PCDHGA12: variants seen among roughly 807,000 people sequenced by gnomAD.
The protein encoded by PCDHGA12 is protocadherin gamma subfamily A, 12.
PCDHGA12 carries 43 observed loss-of-function variants against 61.1 expected under a neutral mutation model. The ratio of observed to expected loss-of-function variants is 0.70; its 90% CI spans 0.55 to 0.91. The LOEUF is 0.91. PCDHGA12 is among the 40% of genes least tolerant of loss of function. The pLI, the probability that PCDHGA12 is intolerant of heterozygous loss-of-function variation, is 0.00. For missense variants in PCDHGA12, 1,236 were observed against 1,227.7 expected (o/e 1.01, Z -0.10); for synonymous variants, 520 against 542.9 (o/e 0.96, Z 0.59).
In PCDHGA12 at chr5:141,432,512, G is replaced by A. The variant is rs751785850; in HGVS notation, c.1753G>A (p.Gly585Ser). The part of the protein sequence containing the change: ...VELAPRSAEP[G>S]YLVTKVVAVD... ...GCTGGCTCCCCGCTCCGCAGAGCCC[G>A]GCTACCTGGTGACCAAGGTGGTGGC... Residue 585 changes from glycine (G) to serine (S), a missense_variant, in exon 1 of 4, where the codon GGC becomes AGC. Transcript: ENST00000252085. The surrounding 1 kb of genome is among the most constrained non-coding windows in gnomAD (Gnocchi z 6.0). 3 of 1,614,108 alleles carry A rather than the reference G, an allele frequency of 1.9e-6. No homozygotes were observed. Among genetic ancestry groups the A allele is most frequent in the Non-Finnish European group, 2.5e-6 (3 of 1,180,030 alleles).
chr5:141,444,329 G>T (rs536314842), intron 1 of PCDHGA12, among the ~76,000 whole-genome samples: 1 of 151,792 alleles, frequency 6.6e-6, no homozygotes, highest in Admixed American at 6.6e-5. Context: ...GTGCCACCAC[G>T]CCCAGCTAAT....
At position 141,491,111 on chromosome 5, in the gene PCDHGA12, A is replaced by G; in HGVS notation, c.2425-3696A>G. 1 of 1,614,162 alleles carries G rather than the reference A, an allele frequency of 6.2e-7. No individual in the cohort carries two copies. Among genetic ancestry groups the G allele is most frequent in the Non-Finnish European group, 8.5e-7 (1 of 1,180,026 alleles). Reference sequence around the variant, plus strand: ...CCAGGACTGTTCCTCGTGTCTACACACACTGGTGAGGTGCGCACAGCCCGG... The same window carrying G: ...CCAGGACTGTTCCTCGTGTCTACACGCACTGGTGAGGTGCGCACAGCCCGG... On this transcript the variant is annotated intron_variant, in intron 1 of 3. Transcript: ENST00000252085. This position sits in a 1 kb window ranked among gnomAD's most constrained non-coding sequence, Gnocchi z 6.9.
chr5:141,474,208 A>C (rs1243312558), intron 1 of PCDHGA12, among the ~76,000 whole-genome samples: 1 of 152,242 alleles, frequency 6.6e-6, no homozygotes, highest in Non-Finnish European at 1.5e-5. Context: ...TGATTTTCAA[A>C]AACCAGATTG....
At chr5:141,480,240 CAAA>C (rs11374694) in intron 1 of PCDHGA12, among the ~76,000 whole-genome samples, 1 of 114,046 alleles carries the variant, frequency 8.8e-6, no homozygotes, top group African/African-American at 3.3e-5. Flanking sequence ...CCTGTCTCTA[CAAA>C]AAAAAAAAAA....
At chr5:141,457,573 C>T (rs934685938) in intron 1 of PCDHGA12, among the ~76,000 whole-genome samples, 3 of 152,206 alleles carry the variant, frequency 2.0e-5, no homozygotes, top group Non-Finnish European at 4.4e-5. Flanking sequence ...CAAAATTTTT[C>T]TCTCCAGTCC....
In PCDHGA12 at chr5:141,490,242, T is replaced by G. The variant is rs2099697678; in HGVS notation, c.2425-4565T>G. 6.2e-7 allele frequency: 1 copy of G among 1,614,194 alleles called. No individual in the cohort carries two copies. The highest frequency in any genetic ancestry group is 8.5e-7 in the Non-Finnish European group (1 of 1,180,028). ...GACAGCCTGCCATGGAGGGCCACTG[T>G]GTGATTCAAGTGGATGTGGGGGATG... On this transcript the variant is annotated intron_variant, in intron 1 of 3. Transcript: ENST00000252085. The surrounding 1 kb of genome is among the most constrained non-coding windows in gnomAD (Gnocchi z 5.4).
chr5:141,511,711 T>G lies in PCDHGA12; in HGVS notation c.*538T>G. 1 of 185,916 alleles carries G rather than the reference T, an allele frequency of 5.4e-6. No individual in the cohort carries two copies. Among genetic ancestry groups the G allele is most frequent in the South Asian group, 1.1e-4 (1 of 8,818 alleles). The allele number at this position is 185,916 out of a possible 1,614,324, so 11.5% of individuals were successfully genotyped here. A position where few individuals can be genotyped will look rare whatever the true frequency, so the allele number is the denominator to read the frequency against. Reference sequence around the variant, plus strand: ...GTTTGGTGCCAGCCCCTTCACCTCCTTCCAGAGCCCAAGATCAATGCTCAA... The same window carrying G: ...GTTTGGTGCCAGCCCCTTCACCTCCGTCCAGAGCCCAAGATCAATGCTCAA... On this transcript the variant is annotated 3_prime_UTR_variant, in exon 4 of 4. Transcript: ENST00000252085.
intron 1 of PCDHGA12, among the ~76,000 whole-genome samples, chr5:141,473,195 C>T (rs1053769499): frequency 6.6e-6 from 1 of 152,104 alleles, no homozygotes; most frequent in African/African-American, 2.4e-5. Flanking sequence ...GTAAATGTAT[C>T]TTCTAAAAAA....
rs1236813956 is a variant in PCDHGA12, at chr5:141,480,634, TTTCAAAC to T, written c.2425-14170_2425-14164del. On this transcript the variant is annotated intron_variant, in intron 1 of 3. Transcript: ENST00000252085. The stretch of plus-strand genomic sequence containing the variant: ...ACTGGCATTTTCCCTAGAACAATGT[TTTCAAAC>T]TTGGTTGCACATTAAAATCACCTAG... Among the ~76,000 whole-genome samples the T allele has an allele frequency of 3.9e-5, 6 of 152,332 alleles. No individual in the cohort carries two copies. In the East Asian group the frequency reaches 1.2e-3, roughly 29 times the overall value.
chr5:141,478,599 T>A, intron 1 of PCDHGA12: 1 of 1,565,814 alleles, frequency 6.4e-7, no homozygotes, highest in Non-Finnish European at 8.7e-7. Flanking sequence ...TATTCCTACA[T>A]CATATTGAGG....
intron 1 of PCDHGA12, among the ~76,000 whole-genome samples, chr5:141,463,087 C>T (rs971667191): frequency 6.6e-6 from 1 of 152,120 alleles, no homozygotes; most frequent in Non-Finnish European, 1.5e-5. Context: ...CATTTTCCAG[C>T]CCTATGTGAC....
chr5:141,510,451 G>A (rs1330148267), intron 3 of PCDHGA12, among the ~76,000 whole-genome samples: 2 of 152,096 alleles, frequency 1.3e-5, no homozygotes, highest in East Asian at 1.9e-4. Context: ...AGGAGCCCAT[G>A]GTCTAGTGTG....
At chr5:141,446,798 T>C (rs1223789118) in intron 1 of PCDHGA12, among the ~76,000 whole-genome samples, 1 of 152,160 alleles carries the variant, frequency 6.6e-6, no homozygotes, top group Non-Finnish European at 1.5e-5. Flanking sequence ...AGTTCTTCCA[T>C]TGTGATCATC....
intron 1 of PCDHGA12, among the ~76,000 whole-genome samples, chr5:141,469,967 C>G (rs2099217411): frequency 6.6e-6 from 1 of 152,124 alleles, no homozygotes; most frequent in Admixed American, 6.6e-5. Flanking sequence ...CCCATCTGTA[C>G]CAAAAATACA....
At chr5:141,508,371 C>T (rs1250979168) in intron 3 of PCDHGA12, 1 of 152,226 alleles carries the variant, frequency 6.6e-6, no homozygotes, top group East Asian at 1.9e-4. Flanking sequence ...CAACTTCTTC[C>T]CCTCAGATTT....
chr5:141,486,987 G>C lies in PCDHGA12; in HGVS notation c.2425-7820G>C, dbSNP rs1327158531. ...GACTTGGATTCAGGTTACAATGCTTGGGTTTCCTATCAGCTCCTGGAGGCC... is the reference window on the plus strand; with the variant it reads ...GACTTGGATTCAGGTTACAATGCTTCGGTTTCCTATCAGCTCCTGGAGGCC... On this transcript the variant is annotated intron_variant, in intron 1 of 3. Transcript: ENST00000252085. The surrounding 1 kb of genome is among the most constrained non-coding windows in gnomAD (Gnocchi z 5.0). The C allele has an allele frequency of 6.2e-7, 1 of 1,614,144 alleles. No homozygotes were observed. Among genetic ancestry groups the C allele is most frequent in the Admixed American group, 1.7e-5 (1 of 60,020 alleles).
At chr5:141,503,089 G>C (rs1352372525) in intron 2 of PCDHGA12, among the ~76,000 whole-genome samples, 2 of 151,590 alleles carry the variant, frequency 1.3e-5, no homozygotes, top group Non-Finnish European at 2.9e-5. Context: ...TCCTGACCTC[G>C]TGGTCTGCCC....
In PCDHGA12 at chr5:141,489,365, G is replaced by A. The variant is rs774363104; in HGVS notation, c.2425-5442G>A. ...TCAGTGGTGGAGGAGTCTGAGCCGG[G>A]GACGCTGGTGGGGAATGTTGCTCAG... On this transcript the variant is annotated intron_variant, in intron 1 of 3. Transcript: ENST00000252085. The surrounding 1 kb of genome is among the most constrained non-coding windows in gnomAD (Gnocchi z 4.5). The A allele has an allele frequency of 6.2e-7, 1 of 1,613,512 alleles. No individual in the cohort carries two copies.
At chr5:141,433,381 A>ATCTC (rs1561869478) in intron 1 of PCDHGA12, among the ~76,000 whole-genome samples, 198 bp downstream of exon 1, 1 of 151,148 alleles carries the variant, frequency 6.6e-6, no homozygotes, top group Admixed American at 6.6e-5. Flanking sequence ...CTATCTATCT[A>ATCTC]TCTATCTATC....
Sources: gnomAD v4.1 joint callset for allele counts (sites outside exome capture counted in the v4.1 genomes callset) on GRCh38, gnomAD v4.1.1 for gene constraint, Gnocchi (gnomAD v3.1) non-coding constraint, MANE v1.5 for transcripts, NCBI Gene and HGNC (gene_info 2026-07-23, HGNC 2026-07-21) for gene names.